AATF: variants seen among roughly 807,000 people sequenced by gnomAD.
AATF encodes the protein protein AATF.
A neutral mutation model predicts 63.7 loss-of-function variants in AATF; 48 were observed. The ratio of observed to expected loss-of-function variants is 0.75; its 90% CI spans 0.60 to 0.96. The LOEUF (loss-of-function observed/expected upper bound fraction) is 0.96, where lower values mean the gene tolerates loss of function less well. Ranked by LOEUF, AATF falls within the 40% of genes least tolerant of loss-of-function variation. The pLI, the probability that AATF is intolerant of heterozygous loss-of-function variation, is 0.00. For missense variants in AATF, 639 were observed against 685.7 expected, an observed-to-expected ratio of 0.93 and a Z score of 0.76; for synonymous variants, 258 against 247.7, an observed-to-expected ratio of 1.04 and a Z score of -0.39.
chr17:36,996,090 A>G (rs1237344139), intron 8 of AATF, among the ~76,000 whole-genome samples: 1 of 152,222 alleles, frequency 6.6e-6, no homozygotes, highest in Non-Finnish European at 1.5e-5. Context: ...CTTATTACGC[A>G]TAGATATTTA....
chr17:37,010,902 A>T (rs985492446), intron 8 of AATF, among the ~76,000 whole-genome samples: 11 of 152,214 alleles, frequency 7.2e-5, no homozygotes, highest in African/African-American at 2.7e-4. Flanking sequence ...GAGGTAGACA[A>T]GGGCCCTAGT....
At chr17:36,949,261 G>T in intron 1 of AATF, 45 bp downstream of exon 1, 1 of 1,532,706 alleles carries the variant, frequency 6.5e-7, no homozygotes, top group African/African-American at 1.4e-5. Flanking sequence ...GGTGGGCCAG[G>T]CCCTGTGGGG....
At chr17:37,036,784 T>C (rs1463829811) in intron 11 of AATF, among the ~76,000 whole-genome samples, 1 of 152,162 alleles carries the variant, frequency 6.6e-6, no homozygotes, top group Non-Finnish European at 1.5e-5. Flanking sequence ...GTCTAGTAGA[T>C]CTTATACTCT....
chr17:37,056,488 G>A, intron 11 of AATF, 113 bp from the exon 12 acceptor site: 1 of 1,041,278 alleles, frequency 9.6e-7, no homozygotes, highest in South Asian at 1.4e-5. Flanking sequence ...TTAATTACAT[G>A]GCTGTGTTTT....
At chr17:37,050,233 G>A (rs1198423770) in intron 11 of AATF, among the ~76,000 whole-genome samples, 2 of 152,182 alleles carry the variant, frequency 1.3e-5, no homozygotes, top group Non-Finnish European at 2.9e-5. Flanking sequence ...GAATGTTTGT[G>A]TGTCTCCCCA....
chr17:37,050,235 G>A (rs2071736088), intron 11 of AATF, among the ~76,000 whole-genome samples: 2 of 152,156 alleles, frequency 1.3e-5, no homozygotes, highest in Admixed American at 1.3e-4. Context: ...ATGTTTGTGT[G>A]TCTCCCCAAA....
intron 11 of AATF, among the ~76,000 whole-genome samples, chr17:37,038,689 T>TA (rs1394860769): frequency 2.0e-5 from 3 of 152,202 alleles, no homozygotes; most frequent in African/African-American, 7.2e-5. Context: ...GCAAATAACT[T>TA]AAAGAAATTC....
chr17:36,980,293 G>C (rs2071112425), intron 4 of AATF: 2 of 152,288 alleles, frequency 1.3e-5, no homozygotes, highest in Non-Finnish European at 2.9e-5. Flanking sequence ...TATTCCTAAA[G>C]CTGGTGGCCA....
intron 11 of AATF, 125 bp downstream of exon 11, chr17:37,031,810 A>G: frequency 1.2e-6 from 1 of 800,542 alleles, no homozygotes; most frequent in Non-Finnish European, 2.2e-6. Flanking sequence ...CATCGCAGTA[A>G]GGGTCACATC....
chr17:36,993,344 G>A (rs1431135229), intron 8 of AATF, among the ~76,000 whole-genome samples: 3 of 152,096 alleles, frequency 2.0e-5, no homozygotes, highest in Non-Finnish European at 4.4e-5. Context: ...GAGATGATCT[G>A]TAAAGATTAC....
chr17:36,956,673 C>CAAAAAAAAAAA (rs35410946), intron 4 of AATF, among the ~76,000 whole-genome samples: 1 of 90,904 alleles, frequency 1.1e-5, no homozygotes. Context: ...AACTCCGTCT[C>CAAAAAAAAAAA]AAAAAAAAAA....
intron 6 of AATF, 142 bp downstream of exon 6, chr17:36,988,862 T>A: frequency 1.2e-6 from 1 of 849,484 alleles, no homozygotes; most frequent in Non-Finnish European, 1.8e-6. Flanking sequence ...CAAAATCTAC[T>A]GAACTTCTGG....
intron 8 of AATF, among the ~76,000 whole-genome samples, chr17:37,003,748 C>A (rs539661616): frequency 6.6e-6 from 1 of 150,382 alleles, no homozygotes; most frequent in Admixed American, 6.6e-5. Context: ...ATTACAGGTG[C>A]GAGCCACCAT....
chr17:37,050,530 A>G (rs17621546), intron 11 of AATF, among the ~76,000 whole-genome samples: 5,521 of 152,272 alleles, frequency 0.036, 141 homozygotes, highest in Non-Finnish European at 0.053. Context: ...TTTTAAAAGC[A>G]CACATCTGTC....
At chr17:36,949,895 G>A (rs1308809108) in intron 1 of AATF, among the ~76,000 whole-genome samples, 3 of 152,200 alleles carry the variant, frequency 2.0e-5, no homozygotes, top group Admixed American at 6.5e-5. Flanking sequence ...CCAAAGAATG[G>A]GACAGAGTGA....
intron 4 of AATF, among the ~76,000 whole-genome samples, chr17:36,983,557 G>T (rs908880375): frequency 6.6e-6 from 1 of 151,660 alleles, no homozygotes; most frequent in African/African-American, 2.4e-5. Flanking sequence ...CACCATGTTG[G>T]CCAGGCAGGT....
At chr17:36,967,818 T>G (rs1205680998) in intron 4 of AATF, among the ~76,000 whole-genome samples, 3 of 152,086 alleles carry the variant, frequency 2.0e-5, no homozygotes, top group Non-Finnish European at 4.4e-5. Flanking sequence ...GCTTCTAAAG[T>G]TGCAATTGGT....
Position 36,986,681 on chromosome 17 carries a change from G to C in AATF, c.897G>C (p.Gln299His), listed in dbSNP as rs2071171230. 6.2e-7 allele frequency: 1 copy of C among 1,614,004 alleles called. No individual in the cohort carries two copies. The highest frequency in any genetic ancestry group is 8.5e-7 in the Non-Finnish European group (1 of 1,180,038). ...GTCTTCAGGAAGAGTTGCTTTTCCA[G>C]TACCCAGACACTAGATATCTAGTAG... ...LVGLQEELLF[Q>H]YPDTRYLVDG... The change falls in exon 5 of 12, where the codon CAG (glutamine) becomes CAC (histidine). Residue 299 changes from glutamine to histidine, a missense_variant. Coordinates refer to ENST00000619387, the MANE Select transcript of AATF (RefSeq NM_012138.4).
Position 36,988,498 on chromosome 17 carries a change from ATAT to A in AATF, c.948-19_948-17del, listed in dbSNP as rs1196176892. On this transcript the variant is annotated intron_variant, in intron 5 of 11. Coordinates refer to ENST00000619387, the MANE Select transcript of AATF (RefSeq NM_012138.4). ...GTAATGTTTGTTTACACTGGACATAATATTCTTACTGCTTTTCTAGTGAGGAGA... is the reference window on the plus strand; with the variant it reads ...GTAATGTTTGTTTACACTGGACATAATCTTACTGCTTTTCTAGTGAGGAGA... 1 of 1,611,486 alleles carries A rather than the reference ATAT, an allele frequency of 6.2e-7. No homozygotes were observed. Among genetic ancestry groups the A allele is most frequent in the Non-Finnish European group, 8.5e-7 (1 of 1,178,702 alleles).
Sources: gnomAD v4.1 joint callset for allele counts (sites outside exome capture counted in the v4.1 genomes callset) on GRCh38, gnomAD v4.1.1 for gene constraint, MANE v1.5 for transcripts, NCBI Gene and HGNC (gene_info 2026-07-23, HGNC 2026-07-21) for gene names.